SBNO2: variants seen among roughly 807,000 people sequenced by gnomAD.
The protein encoded by SBNO2 is protein strawberry notch homolog 2.
A neutral mutation model predicts 146.3 loss-of-function variants in SBNO2; 89 were observed. That is an observed-to-expected ratio of 0.61 (90% CI 0.51 to 0.73). The LOEUF is 0.73. Among genes scored for constraint, SBNO2 ranks in the 30% least tolerant of loss-of-function variants. SBNO2 has a pLI of 0.00. For synonymous variants in SBNO2, 1,147 were observed against 892.6 expected, an observed-to-expected ratio of 1.29 and a Z score of -5.08; for missense variants, 2,092 against 2,003.7, an observed-to-expected ratio of 1.04 and a Z score of -0.84.
In SBNO2 at chr19:1,119,062, C is replaced by T. The variant is rs1453650900; in HGVS notation, c.1476G>A (p.Glu492=). The T allele has an allele frequency of 7.5e-6, 12 of 1,605,730 alleles. No homozygotes were observed. Among genetic ancestry groups the T allele is most frequent in the Middle Eastern group, 1.7e-4 (1 of 6,056 alleles). The change falls in exon 14 of 32, where the codon GAG becomes GAA. Residue 492 remains glutamate, a synonymous_variant. Transcript: ENST00000361757. The stretch of plus-strand genomic sequence containing the variant: ...ACTCGAAGGCTGGGGCCAGCGGGAT[C>T]TCCTCGATGCGGAAGGTGACGCCGG... ...SFSGVTFRIE[E]IPLAPAFECV... is the part of the protein sequence containing the mutation.
At chr19:1,167,316 C>G (rs979170706) in intron 1 of SBNO2, among the ~76,000 whole-genome samples, 1 of 152,282 alleles carries the variant, frequency 6.6e-6, no homozygotes, top group East Asian at 1.9e-4. Flanking sequence ...CCCACGCGCC[C>G]TCTCTGGGCC....
At chr19:1,127,483 C>G (rs1033441767) in intron 5 of SBNO2, 121 bp downstream of exon 5, 1 of 954,016 alleles carries the variant, frequency 1.0e-6, no homozygotes, top group Non-Finnish European at 1.6e-6. Flanking sequence ...CCGACAGTGA[C>G]AGGCACAGCC....
Position 1,108,499 on chromosome 19 carries a change from G to C in SBNO2, c.3822C>G (p.Phe1274Leu). The change falls in exon 32 of 32, where the codon TTC becomes TTG. Residue 1274 changes from phenylalanine to leucine, a missense_variant. Transcript: ENST00000361757. ...PAEAFPPPPH[F>L]SFPAPLSLDA... ...CCAGGGACAGCGGCGCCGGGAAAGAGAAGTGCGGGGGCGGCGGGAAGGCCT... is the reference window on the plus strand; with the variant it reads ...CCAGGGACAGCGGCGCCGGGAAAGACAAGTGCGGGGGCGGCGGGAAGGCCT... 1 of 1,218,642 alleles carries C rather than the reference G, an allele frequency of 8.2e-7. No individual in the cohort carries two copies. Among genetic ancestry groups the C allele is most frequent in the Non-Finnish European group, 1.0e-6 (1 of 976,276 alleles). The allele number at this position is 1,218,642 out of a possible 1,614,324, so 75.5% of individuals were successfully genotyped here. A position where few individuals can be genotyped will look rare whatever the true frequency, so the allele number is the denominator to read the frequency against.
At chr19:1,154,042 G>A (rs572489627) in intron 2 of SBNO2, 142 bp downstream of exon 2, 63 of 408,086 alleles carry the variant, frequency 1.5e-4, no homozygotes, top group South Asian at 5.4e-4. Flanking sequence ...GGGTGGAGCC[G>A]GGCTCCGGGC....
chr19:1,120,211 C>G, intron 11 of SBNO2, 188 bp from the exon 12 acceptor site: 3 of 593,448 alleles, frequency 5.1e-6, no homozygotes, highest in Non-Finnish European at 9.0e-6. Context: ...AGGCGGCCCC[C>G]ACACGACCAT....
chr19:1,147,054 C>T (rs2080197512), intron 4 of SBNO2, among the ~76,000 whole-genome samples: 2 of 152,084 alleles, frequency 1.3e-5, no homozygotes, highest in Non-Finnish European at 1.5e-5. Context: ...TGTGGCATTG[C>T]CCAGATGCTC....
chr19:1,173,673 G>C lies in SBNO2; in HGVS notation c.-127+499C>G, dbSNP rs2080502765. The C allele has an allele frequency of 6.6e-6, 1 of 152,184 alleles. No homozygotes were observed. The highest frequency in any genetic ancestry group is 6.6e-5 in the Admixed American group (1 of 15,266). 9.4% of individuals were successfully genotyped at this position (152,184 alleles called of 1,614,324 possible). A position where few individuals can be genotyped will look rare whatever the true frequency, so the allele number is the denominator to read the frequency against. On this transcript the variant is annotated intron_variant, in intron 1 of 31. Transcript: ENST00000361757. The surrounding 1 kb of genome is among the most constrained non-coding windows in gnomAD (Gnocchi z 4.7). ...GGGGTCACTCCCAGGAAGGGGTCGA[G>C]GTCACGAGGCGCATGGAGTCGAGAG...
chr19:1,155,490 A>G (rs11672049), intron 1 of SBNO2, among the ~76,000 whole-genome samples: 9,080 of 152,298 alleles, frequency 0.06, 437 homozygotes, highest in East Asian at 0.25. Flanking sequence ...GACCCTTGGC[A>G]GCCCTTCCAG....
chr19:1,132,064 C>T, intron 4 of SBNO2: 6 of 1,507,512 alleles, frequency 4.0e-6, no homozygotes, highest in Non-Finnish European at 5.3e-6. Flanking sequence ...CCGAGGGCCT[C>T]GCCCGCCCCG....
chr19:1,148,117 C>T (rs1386072098), intron 3 of SBNO2, among the ~76,000 whole-genome samples: 2 of 152,036 alleles, frequency 1.3e-5, no homozygotes, highest in African/African-American at 4.8e-5. Context: ...CCAGGCTCTC[C>T]CTCCAGAAGC....
At chr19:1,163,067 T>A (rs1213207546) in intron 1 of SBNO2, among the ~76,000 whole-genome samples, 1 of 152,082 alleles carries the variant, frequency 6.6e-6, no homozygotes, top group East Asian at 1.9e-4. Context: ...GGTCCTGAGG[T>A]GCAAGAGGGA....
rs970032590 is a variant in SBNO2, at chr19:1,158,814, G to C, written c.-126-4412C>G. On this transcript the variant is annotated intron_variant, in intron 1 of 31. Coordinates refer to ENST00000361757, the MANE Select transcript of SBNO2 (RefSeq NM_014963.3). This position sits in a 1 kb window ranked among gnomAD's most constrained non-coding sequence, Gnocchi z 9.9. ...TCCCGGGAACCCCGCACAGAGCCAC[G>C]GCCATAAGACAGAGCGGACTTGCGG... Among the ~76,000 whole-genome samples the C allele has an allele frequency of 6.6e-6, 1 of 152,134 alleles. No homozygotes were observed. Among genetic ancestry groups the C allele is most frequent in the African/African-American group, 2.4e-5 (1 of 41,398 alleles).
Position 1,108,161 on chromosome 19 carries a change from G to C in SBNO2, c.*59C>G. 1 of 1,460,728 alleles carries C rather than the reference G, an allele frequency of 6.8e-7. No individual in the cohort carries two copies. Among genetic ancestry groups the C allele is most frequent in the Non-Finnish European group, 9.1e-7 (1 of 1,097,204 alleles). The allele number at this position is 1,460,728 out of a possible 1,614,324, so 90.5% of individuals were successfully genotyped here. On this transcript the variant is annotated 3_prime_UTR_variant, in exon 32 of 32. Transcript: ENST00000361757. ...GGGGACCTTGGCCCTGCTCCCCACCGCTGCTCCTAGGGGAGAAACGGTCCC... is the reference window on the plus strand; with the variant it reads ...GGGGACCTTGGCCCTGCTCCCCACCCCTGCTCCTAGGGGAGAAACGGTCCC...
intron 14 of SBNO2, 43 bp downstream of exon 14, chr19:1,118,968 C>G: frequency 6.5e-7 from 1 of 1,543,082 alleles, no homozygotes; most frequent in Non-Finnish European, 8.7e-7. Flanking sequence ...CAATTTCACC[C>G]GGGAAACGCA....
chr19:1,154,049 G>A (rs540055129), intron 2 of SBNO2, 135 bp downstream of exon 2: 23 of 419,254 alleles, frequency 5.5e-5, no homozygotes, highest in Non-Finnish European at 7.6e-5. Flanking sequence ...GCCGGGCTCC[G>A]GGCCAGGAAG....
chr19:1,108,733 G>A (rs763967934), intron 31 of SBNO2, 29 bp from the exon 32 acceptor site: 10 of 1,579,060 alleles, frequency 6.3e-6, no homozygotes, highest in Non-Finnish European at 8.5e-6. Flanking sequence ...GGTCAGGGCC[G>A]GCGCTGGGGG....
rs759841731 is a variant in SBNO2 at position 1,109,418 on chromosome 19, G to T, written c.3222C>A (p.Arg1074=). Residue 1074 remains arginine, a synonymous_variant, in exon 29 of 32, where the codon CGC becomes CGA. Transcript: ENST00000361757. This position sits in a 1 kb window ranked among gnomAD's most constrained non-coding sequence, Gnocchi z 4.2. ...CCAGCAGGCAGCTGGGCTTGTTACC[G>T]CGGACCTGCGGAGGGGGGCGTTGAG... ...YDGFYLSYKV[R]GNKPSCLLAE... The T allele has an allele frequency of 6.4e-7, 1 of 1,564,076 alleles. No individual in the cohort carries two copies. The highest frequency in any genetic ancestry group is 1.2e-5 in the South Asian group (1 of 85,586).
chr19:1,134,495 C>T (rs911455626), intron 4 of SBNO2, among the ~76,000 whole-genome samples: 13 of 144,326 alleles, frequency 9.0e-5, no homozygotes, highest in Admixed American at 6.7e-5. Flanking sequence ...CAAGCCACAG[C>T]ACGGATGCAC....
intron 1 of SBNO2, among the ~76,000 whole-genome samples, chr19:1,162,473 G>GA (rs34999550): frequency 6.2e-4 from 89 of 144,398 alleles, no homozygotes; most frequent in Non-Finnish European, 1.1e-3. Flanking sequence ...AAAAAAAAAA[G>GA]AAACGCTGTT....
Sources: allele counts gnomAD v4.1 joint callset (sites outside exome capture counted in the v4.1 genomes callset), GRCh38; gene constraint gnomAD v4.1.1; non-coding constraint Gnocchi (gnomAD v3.1); transcripts MANE v1.5; gene names NCBI Gene and HGNC (gene_info 2026-07-23, HGNC 2026-07-21).